The following TMEM266 variants were observed in gnomAD, a reference collection of about 807,000 sequenced individuals.
TMEM266 encodes transmembrane protein 266, also known as Hv1 related protein 1.
In TMEM266, 33 loss-of-function variants were observed where a neutral mutation model predicts 50.5. That is an observed-to-expected ratio of 0.65 (90% CI 0.50 to 0.87). The LOEUF is 0.87. Ranked by LOEUF, TMEM266 falls within the 40% of genes least tolerant of loss-of-function variation. The pLI, the probability that TMEM266 is intolerant of heterozygous loss-of-function variation, is 0.00. For missense variants in TMEM266, 655 were observed against 695.1 expected (o/e 0.94, Z 0.65); for synonymous variants, 310 against 292.3 (o/e 1.06, Z -0.62).
At chr15:76,174,255 A>G (rs2038235573) in intron 7 of TMEM266, among the ~76,000 whole-genome samples, 1 of 152,112 alleles carries the variant, frequency 6.6e-6, no homozygotes, top group Admixed American at 6.5e-5. Flanking sequence ...CCACCCATTT[A>G]AAGTCCACAA....
intron 1 of TMEM266, among the ~76,000 whole-genome samples, chr15:76,100,521 T>G (rs1044799492): frequency 6.6e-6 from 1 of 152,216 alleles, no homozygotes; most frequent in African/African-American, 2.4e-5. Context: ...GGACAGTCTT[T>G]GTCAGATTTT....
chr15:76,105,260 G>GA (rs369480995), intron 1 of TMEM266, among the ~76,000 whole-genome samples: 1 of 151,200 alleles, frequency 6.6e-6, no homozygotes, highest in Non-Finnish European at 1.5e-5. Context: ...AAAAAGTAAA[G>GA]AAAAAAAAAG....
At chr15:76,154,616 C>G (rs78043870) in intron 3 of TMEM266, among the ~76,000 whole-genome samples, 14,145 of 152,136 alleles carry the variant, frequency 0.093, 980 homozygotes, top group Admixed American at 0.21. Context: ...CCAGCCCCAT[C>G]CAACAAGGCC....
chr15:76,133,917 T>C (rs1234918331), intron 1 of TMEM266, among the ~76,000 whole-genome samples: 3 of 152,222 alleles, frequency 2.0e-5, no homozygotes, highest in Non-Finnish European at 2.9e-5. Context: ...ACCTGGGCAC[T>C]AACCTGGCTC....
intron 7 of TMEM266, among the ~76,000 whole-genome samples, chr15:76,172,522 T>C (rs748238478): frequency 3.3e-5 from 5 of 152,252 alleles, no homozygotes; most frequent in Admixed American, 6.5e-5. Flanking sequence ...CCTCACCCTA[T>C]GTTCCACCCT....
Position 76,192,093 on chromosome 15 carries a change from G to T in TMEM266, c.894G>T (p.Glu298Asp). The change falls in exon 9 of 11, where the codon GAG becomes GAT. Residue 298 changes from glutamate (E) to aspartate (D), a missense_variant. By Grantham distance (45) the Glu-to-Asp change is conservative. Around this residue, in one of 3 missense-constraint regions of TMEM266, gnomAD observed 455 missense variants for 401.8 expected, o/e 1.13. Coordinates refer to ENST00000388942, the MANE Select transcript of TMEM266 (RefSeq NM_152335.3). The stretch of plus-strand genomic sequence containing the variant: ...CGCGCAGCCGCTTCAAAGTGTTGGA[G>T]GCCGGCACGTGGGACGAGGAGACGG... 1 of 1,446,210 alleles carries T rather than the reference G, an allele frequency of 6.9e-7. No homozygotes were observed. Among genetic ancestry groups the T allele is most frequent in the East Asian group, 2.9e-5 (1 of 34,650 alleles). 89.6% of individuals were successfully genotyped at this position (1,446,210 alleles called of 1,614,324 possible). A position where few individuals can be genotyped will look rare whatever the true frequency, so the allele number is the denominator to read the frequency against.
At chr15:76,088,419 A>G (rs2036803106) in intron 1 of TMEM266, among the ~76,000 whole-genome samples, 1 of 152,172 alleles carries the variant, frequency 6.6e-6, no homozygotes, top group Non-Finnish European at 1.5e-5. Flanking sequence ...TTTAGAGGCC[A>G]AGGCAGGAGG....
At chr15:76,131,270 G>A (rs965812762) in intron 1 of TMEM266, among the ~76,000 whole-genome samples, 5 of 152,256 alleles carry the variant, frequency 3.3e-5, no homozygotes, top group Admixed American at 2.0e-4. Context: ...GGGAGGCTGA[G>A]GCAGGAGAAT....
At position 76,137,686 on chromosome 15, in the gene TMEM266, TG is replaced by T. The variant is rs2037612621; in HGVS notation, c.39-20del. ...GCCCTTGAAGATAACTCTTTCCCAT[TG>T]TTCCTCCTCTCCAACCCAGGCCTGC... On this transcript the variant is annotated intron_variant, in intron 2 of 10. Coordinates refer to ENST00000388942, the MANE Select transcript of TMEM266 (RefSeq NM_152335.3). 2 of 1,611,760 alleles carry T rather than the reference TG, an allele frequency of 1.2e-6. No individual in the cohort carries two copies. The highest frequency in any genetic ancestry group is 1.7e-6 in the Non-Finnish European group (2 of 1,178,246).
At chr15:76,134,374 TAATTTA>T in intron 2 of TMEM266, 73 bp downstream of exon 2, 4 of 1,515,592 alleles carry the variant, frequency 2.6e-6, no homozygotes, top group Non-Finnish European at 3.7e-6. Context: ...GAAGATCTTC[TAATTTA>T]GGCAGCCACT....
Position 76,194,192 on chromosome 15 carries a change from C to T in TMEM266, c.958+2035C>T, listed in dbSNP as rs750672393. 2.6e-5 allele frequency among the ~76,000 whole-genome samples: 4 copies of T among 152,366 alleles called. No individual in the cohort carries two copies. The East Asian group carries it at 5.8e-4, about 22-fold the overall frequency. On this transcript the variant is annotated intron_variant, in intron 9 of 10. Transcript: ENST00000388942. The stretch of plus-strand genomic sequence containing the variant: ...TTGGGCAACAGGCTTTTTGTAGCCT[C>T]GTGCAGAACTTCACAATCATCAGCG...
chr15:76,181,260 A>G (rs1380921728), intron 8 of TMEM266: 1 of 152,304 alleles, frequency 6.6e-6, no homozygotes, highest in Non-Finnish European at 1.5e-5. Flanking sequence ...TCCCTCCTGG[A>G]TCACACTGGC....
intron 1 of TMEM266, among the ~76,000 whole-genome samples, chr15:76,097,422 A>T (rs1253294911): frequency 6.6e-6 from 1 of 151,976 alleles, no homozygotes; most frequent in African/African-American, 2.4e-5. Flanking sequence ...CTTTTCTTTA[A>T]TAATGTTGAA....
chr15:76,185,397 A>C (rs2038478159), intron 8 of TMEM266, among the ~76,000 whole-genome samples: 1 of 152,176 alleles, frequency 6.6e-6, no homozygotes. Context: ...TACTACGTCC[A>C]ATCTCCTGTT....
chr15:76,192,472 T>C (rs1223749836), intron 9 of TMEM266, among the ~76,000 whole-genome samples: 1 of 152,036 alleles, frequency 6.6e-6, no homozygotes, highest in Non-Finnish European at 1.5e-5. Flanking sequence ...AGGTGTGACT[T>C]TTCTGTTGTA....
intron 9 of TMEM266, among the ~76,000 whole-genome samples, chr15:76,195,998 A>G (rs1340651504): frequency 1.3e-5 from 2 of 152,108 alleles, no homozygotes; most frequent in Non-Finnish European, 2.9e-5. Flanking sequence ...GAGGAGGAGG[A>G]GGGAGGCAGG....
intron 1 of TMEM266, among the ~76,000 whole-genome samples, chr15:76,106,196 C>T (rs1022237541): frequency 2.0e-5 from 3 of 152,112 alleles, no homozygotes; most frequent in Admixed American, 6.5e-5. Context: ...GTACCTGCCA[C>T]GTGCACGGCA....
chr15:76,127,316 T>G (rs2037438304), intron 1 of TMEM266, among the ~76,000 whole-genome samples: 1 of 148,568 alleles, frequency 6.7e-6, no homozygotes, highest in Admixed American at 6.8e-5. Context: ...ATCATCTACC[T>G]CTAGTCCTTT....
intron 9 of TMEM266, among the ~76,000 whole-genome samples, chr15:76,194,800 C>T (rs1204891780): frequency 6.6e-6 from 1 of 152,190 alleles, no homozygotes; most frequent in Non-Finnish European, 1.5e-5. Flanking sequence ...GGGCCCCAGT[C>T]ATATAAGGAC....
Sources: gnomAD v4.1 joint callset for allele counts (sites outside exome capture counted in the v4.1 genomes callset) on GRCh38, gnomAD v4.1.1 for gene constraint, gnomAD v4.1.1 regional missense constraint, MANE v1.5 for transcripts, NCBI Gene and HGNC (gene_info 2026-07-23, HGNC 2026-07-21) for gene names.